CTNNA2: variants seen among roughly 807,000 people sequenced by gnomAD.
The protein encoded by CTNNA2 is catenin alpha-2.
In CTNNA2, 42 loss-of-function variants were observed where a neutral mutation model predicts 101.0. The observed-to-expected ratio is 0.42, with a 90% CI of 0.32 to 0.54. The LOEUF (loss-of-function observed/expected upper bound fraction) is 0.54. Among genes scored for constraint, CTNNA2 ranks in the 20% least tolerant of loss-of-function variants. CTNNA2 has a pLI of 0.14. For synonymous variants in CTNNA2, 450 were observed against 456.4 expected, an observed-to-expected ratio of 0.99 and a Z score of 0.18; for missense variants, 871 against 1,223.1, an observed-to-expected ratio of 0.71 and a Z score of 4.29.
At chr2:79,231,351 C>T (rs1674490893) in intron 2 of CTNNA2, among the ~76,000 whole-genome samples, 1 of 152,126 alleles carries the variant, frequency 6.6e-6, no homozygotes, top group Non-Finnish European at 1.5e-5. Context: ...CTGGGTTTTC[C>T]ACTTTTGCTT....
At chr2:80,334,064 C>T (rs1454879449) in intron 7 of CTNNA2, among the ~76,000 whole-genome samples, 2 of 152,136 alleles carry the variant, frequency 1.3e-5, no homozygotes, top group East Asian at 1.9e-4. Flanking sequence ...CTTTCCAACT[C>T]CCTGGACCTT....
At position 80,233,001 on chromosome 2, in the gene CTNNA2, A is replaced by G. The variant is rs531864909; in HGVS notation, c.1057-160210A>G. Among the ~76,000 whole-genome samples, 30 of 152,286 alleles carry G rather than the reference A, an allele frequency of 2.0e-4. No individual in the cohort carries two copies. In the South Asian group the frequency reaches 5.4e-3, roughly 27 times the overall value. On this transcript the variant is annotated intron_variant, in intron 7 of 18. Transcript: ENST00000402739. ...TTAAGTGACCAAGAAAGATCAATTC[A>G]TCTACTTTATTCCTAAAATATTCTG...
chr2:79,894,051 TTCTTC>T (rs1684512767), intron 6 of CTNNA2, among the ~76,000 whole-genome samples: 1 of 110,664 alleles, frequency 9.0e-6, no homozygotes, highest in South Asian at 2.6e-4. Flanking sequence ...CTTCTTCTTC[TTCTTC>T]TTCTTCTTCC....
intron 3 of CTNNA2, among the ~76,000 whole-genome samples, chr2:79,755,536 G>A (rs563125713): frequency 6.6e-6 from 1 of 152,218 alleles, no homozygotes; most frequent in South Asian, 2.1e-4. Flanking sequence ...TTTTACAAGT[G>A]TTTCTCAGAG....
At chr2:80,306,450 TTC>T (rs765222009) in intron 7 of CTNNA2, among the ~76,000 whole-genome samples, 17 of 125,020 alleles carry the variant, frequency 1.4e-4, no homozygotes, top group East Asian at 1.0e-3. Flanking sequence ...CTTTCTTTCT[TTC>T]TCTCTCTCTC....
At chr2:79,898,325 T>C (rs1022036051) in intron 6 of CTNNA2, among the ~76,000 whole-genome samples, 10 of 151,836 alleles carry the variant, frequency 6.6e-5, no homozygotes, top group African/African-American at 2.4e-4. Flanking sequence ...TTAGTAGAGA[T>C]GGGGTTTCAC....
chr2:80,010,452 C>T (rs1558725557), intron 7 of CTNNA2, among the ~76,000 whole-genome samples: 1 of 152,080 alleles, frequency 6.6e-6, no homozygotes. Flanking sequence ...ACTACAGGCA[C>T]GTGCCACCAT....
At chr2:80,064,779 T>C (rs182780710) in intron 7 of CTNNA2, among the ~76,000 whole-genome samples, 3 of 152,212 alleles carry the variant, frequency 2.0e-5, no homozygotes, top group Non-Finnish European at 1.5e-5. Flanking sequence ...TGTTTTCTAA[T>C]GTCCAATTGA....
chr2:79,810,671 TC>T, intron 3 of CTNNA2, among the ~76,000 whole-genome samples: 1 of 151,116 alleles, frequency 6.6e-6, no homozygotes. Context: ...ATGCTATACC[TC>T]CCCCCTCCCC....
intron 3 of CTNNA2, among the ~76,000 whole-genome samples, chr2:79,850,175 C>T (rs1160490439): frequency 1.3e-5 from 2 of 149,340 alleles, no homozygotes; most frequent in Non-Finnish European, 3.0e-5. Context: ...CTCCCTTCCT[C>T]CATCCTTCCC....
At chr2:79,190,988 T>C (rs1454895023) in intron 1 of CTNNA2, among the ~76,000 whole-genome samples, 1 of 152,172 alleles carries the variant, frequency 6.6e-6, no homozygotes. Context: ...CTCCGCAGAC[T>C]GGCTTTTCTA....
At chr2:79,632,306 A>C (rs1679745234) in intron 1 of CTNNA2, among the ~76,000 whole-genome samples, 1 of 152,230 alleles carries the variant, frequency 6.6e-6, no homozygotes, top group African/African-American at 2.4e-5. Context: ...TTCCTCGATA[A>C]AAATTGTGTG....
At chr2:80,629,023 C>T (rs60703011) in intron 18 of CTNNA2, among the ~76,000 whole-genome samples, 2,851 of 152,252 alleles carry the variant, frequency 0.019, 92 homozygotes, top group African/African-American at 0.064. Flanking sequence ...TTAGTATCTA[C>T]TTCATTGAGT....
At chr2:79,900,140 A>G (rs1320409519) in intron 6 of CTNNA2, among the ~76,000 whole-genome samples, 1 of 152,212 alleles carries the variant, frequency 6.6e-6, no homozygotes, top group African/African-American at 2.4e-5. Context: ...AATTATGATC[A>G]TGCCTCATTG....
At chr2:79,277,815 G>A (rs1394055876) in intron 2 of CTNNA2, among the ~76,000 whole-genome samples, 1 of 151,986 alleles carries the variant, frequency 6.6e-6, no homozygotes, top group African/African-American at 2.4e-5. Flanking sequence ...TTAGTTTGGG[G>A]CTTTCACAGA....
At chr2:79,587,575 T>C (rs2103955664) in intron 1 of CTNNA2, among the ~76,000 whole-genome samples, 1 of 152,294 alleles carries the variant, frequency 6.6e-6, no homozygotes, top group Admixed American at 6.5e-5. Context: ...ATGGCACTAA[T>C]GTCCACTCTT....
chr2:79,706,793 C>T (rs779442864), intron 2 of CTNNA2, among the ~76,000 whole-genome samples: 3 of 152,054 alleles, frequency 2.0e-5, no homozygotes, highest in Non-Finnish European at 4.4e-5. Flanking sequence ...ATTGAGTGGG[C>T]ATTCTTGTGA....
At chr2:80,585,907 G>A (rs1695934522) in intron 14 of CTNNA2, among the ~76,000 whole-genome samples, 1 of 152,100 alleles carries the variant, frequency 6.6e-6, no homozygotes, top group Non-Finnish European at 1.5e-5. Flanking sequence ...AGAAGCAAAT[G>A]GAAAGATGCT....
intron 7 of CTNNA2, among the ~76,000 whole-genome samples, chr2:80,050,433 C>A (rs1191258970): frequency 6.6e-6 from 1 of 152,142 alleles, no homozygotes; most frequent in East Asian, 1.9e-4. Context: ...ATCATTTTCC[C>A]CTTGCAGTGT....
Sources: gnomAD v4.1 joint callset for allele counts (sites outside exome capture counted in the v4.1 genomes callset) on GRCh38, gnomAD v4.1.1 for gene constraint, MANE v1.5 for transcripts, NCBI Gene and HGNC (gene_info 2026-07-23, HGNC 2026-07-21) for gene names.